The following CACNB2 variants were observed in gnomAD, a reference collection of about 807,000 sequenced individuals.
The protein encoded by CACNB2 is calcium voltage-gated channel auxiliary subunit beta 2, also known as voltage-dependent L-type calcium channel subunit beta-2.
A neutral mutation model predicts 73.3 loss-of-function variants in CACNB2; 42 were observed. The observed-to-expected ratio is 0.57, with a 90% CI of 0.45 to 0.74. The LOEUF is 0.74. Among genes scored for constraint, CACNB2 ranks in the 30% least tolerant of loss-of-function variants. The pLI is 0.00. For missense variants in CACNB2, 940 were observed against 853.0 expected (o/e 1.10, Z -1.27); for synonymous variants, 348 against 310.3 (o/e 1.12, Z -1.28).
At chr10:18,243,007 C>A (rs151052627) in intron 2 of CACNB2, among the ~76,000 whole-genome samples, 321 of 134,724 alleles carry the variant, frequency 2.4e-3, no homozygotes, top group African/African-American at 2.7e-3. Context: ...AAGACTGTCT[C>A]AAAAAAAAAA....
intron 7 of CACNB2, among the ~76,000 whole-genome samples, chr10:18,516,775 T>C (rs1395310584): frequency 6.6e-6 from 1 of 151,806 alleles, no homozygotes; most frequent in Non-Finnish European, 1.5e-5. Flanking sequence ...GAGTGGTGCT[T>C]GTGTGGTACG....
At chr10:18,520,349 C>G (rs537661079) in intron 9 of CACNB2, among the ~76,000 whole-genome samples, 3 of 152,172 alleles carry the variant, frequency 2.0e-5, no homozygotes, top group Non-Finnish European at 4.4e-5. Flanking sequence ...CATGCAAATG[C>G]TGTTGTCTTT....
chr10:18,237,786 G>GT (rs1216354767), intron 2 of CACNB2, among the ~76,000 whole-genome samples: 1 of 152,200 alleles, frequency 6.6e-6, no homozygotes, highest in Admixed American at 6.5e-5. Flanking sequence ...ACCCAACAGG[G>GT]GTAATGGTAT....
chr10:18,491,394 G>C (rs1269330188), intron 3 of CACNB2, among the ~76,000 whole-genome samples: 1 of 152,102 alleles, frequency 6.6e-6, no homozygotes, highest in Non-Finnish European at 1.5e-5. Flanking sequence ...GACCAGCCTG[G>C]GCATCAAAGC....
At chr10:18,235,756 G>A (rs2036417231) in intron 2 of CACNB2, among the ~76,000 whole-genome samples, 1 of 152,056 alleles carries the variant, frequency 6.6e-6, no homozygotes, top group Non-Finnish European at 1.5e-5. Flanking sequence ...GGGCAATGAG[G>A]TTTTGGTTGG....
intron 2 of CACNB2, among the ~76,000 whole-genome samples, chr10:18,157,181 A>G (rs2032118856): frequency 6.6e-6 from 1 of 152,240 alleles, no homozygotes; most frequent in Non-Finnish European, 1.5e-5. Flanking sequence ...TACTGAACGT[A>G]TAATTTCTAT....
chr10:18,197,870 T>C (rs2034695907), intron 2 of CACNB2, among the ~76,000 whole-genome samples: 1 of 150,408 alleles, frequency 6.6e-6, no homozygotes, highest in African/African-American at 2.4e-5. Context: ...ATATGAGCTT[T>C]GCATATATTA....
intron 2 of CACNB2, among the ~76,000 whole-genome samples, chr10:18,274,543 G>C (rs1368527564): frequency 6.6e-6 from 1 of 152,180 alleles, no homozygotes; most frequent in Non-Finnish European, 1.5e-5. Context: ...GAGAGGGTCA[G>C]AACTTCTCTA....
In CACNB2 at chr10:18,442,953, T is replaced by C. The variant is rs1344451843; in HGVS notation, c.333+40910T>C. The stretch of plus-strand genomic sequence containing the variant: ...ATATATATATATATGTGTATATATA[T>C]ATATGTATATATATATGTGTATATA... On this transcript the variant is annotated intron_variant, in intron 3 of 13. Transcript: ENST00000324631. Among the ~76,000 whole-genome samples, 46 of 19,150 alleles carry C rather than the reference T, an allele frequency of 2.4e-3. 1 individual carries two copies. Among genetic ancestry groups the C allele is most frequent in the African/African-American group, 5.3e-3 (8 of 1,510 alleles). 12.6% of individuals were successfully genotyped at this position (19,150 alleles called of 152,430 possible).
intron 2 of CACNB2, among the ~76,000 whole-genome samples, chr10:18,399,094 G>C (rs921281262): frequency 6.6e-6 from 1 of 152,184 alleles, no homozygotes; most frequent in Admixed American, 6.5e-5. Flanking sequence ...CTTACTGATA[G>C]AAGCTTTGTC....
At chr10:18,496,814 C>CAAAAAAAAAAAAAAAAAAAAGAAAA in intron 3 of CACNB2, among the ~76,000 whole-genome samples, 1 of 45,192 alleles carries the variant, frequency 2.2e-5, no homozygotes, top group African/African-American at 7.6e-5. Context: ...AACTCCGCCT[C>CAAAAAAAAAAAAAAAAAAAAGAAAA]AAAAAAAAAA....
At chr10:18,522,877 CAAAAAAAAAAAAAAAAAAAAAAA>C (rs10528720) in intron 9 of CACNB2, among the ~76,000 whole-genome samples, 3 of 77,818 alleles carry the variant, frequency 3.9e-5, no homozygotes, top group African/African-American at 5.4e-5. Context: ...GACTCTGTCT[CAAAAAAAAAAAAAAAAAAAAAAA>C]AAAAAAAAAA....
intron 2 of CACNB2, among the ~76,000 whole-genome samples, chr10:18,249,952 A>G (rs191495592): frequency 1.3e-5 from 2 of 152,132 alleles, no homozygotes; most frequent in Admixed American, 6.5e-5. Context: ...AATCATGTGA[A>G]TGGTTGCTCA....
intron 3 of CACNB2, among the ~76,000 whole-genome samples, chr10:18,472,902 C>A (rs947725780): frequency 1.3e-5 from 2 of 152,092 alleles, no homozygotes; most frequent in Non-Finnish European, 2.9e-5. Context: ...GTGAAATGTG[C>A]CATTTGTATT....
intron 7 of CACNB2, among the ~76,000 whole-genome samples, chr10:18,518,049 C>T (rs1423401592): frequency 6.6e-6 from 1 of 152,166 alleles, no homozygotes; most frequent in African/African-American, 2.4e-5. Flanking sequence ...TTTGTTCTGT[C>T]AACTAGTTTT....
At chr10:18,446,332 G>C (rs2046732660) in intron 3 of CACNB2, among the ~76,000 whole-genome samples, 1 of 152,190 alleles carries the variant, frequency 6.6e-6, no homozygotes, top group Non-Finnish European at 1.5e-5. Flanking sequence ...GAAATCATCA[G>C]AGCAGAATTT....
chr10:18,178,228 C>T (rs1391494811), intron 2 of CACNB2, among the ~76,000 whole-genome samples: 1 of 152,036 alleles, frequency 6.6e-6, no homozygotes, highest in Non-Finnish European at 1.5e-5. Context: ...GGGGACTTTA[C>T]CGTTGAAATG....
chr10:18,326,398 T>C (rs2040591520), intron 2 of CACNB2, among the ~76,000 whole-genome samples: 1 of 152,228 alleles, frequency 6.6e-6, no homozygotes, highest in Non-Finnish European at 1.5e-5. Context: ...TGGTGTTGAC[T>C]TAGTTCTGCT....
chr10:18,472,477 T>C (rs2048243338), intron 3 of CACNB2, among the ~76,000 whole-genome samples: 1 of 152,112 alleles, frequency 6.6e-6, no homozygotes, highest in Non-Finnish European at 1.5e-5. Context: ...CCTCAGGTGA[T>C]CCGCCCGCCT....
Sources: gnomAD v4.1 joint callset for allele counts (sites outside exome capture counted in the v4.1 genomes callset) on GRCh38, gnomAD v4.1.1 for gene constraint, MANE v1.5 for transcripts, NCBI Gene and HGNC (gene_info 2026-07-23, HGNC 2026-07-21) for gene names.